Variants in TAPBPL observed in about 807,000 individuals in gnomAD.
TAPBPL encodes tapasin-related protein.
A neutral mutation model predicts 44.8 loss-of-function variants in TAPBPL; 32 were observed. The observed-to-expected ratio is 0.71, with a 90% CI of 0.54 to 0.96. The LOEUF is 0.96. Among genes scored for constraint, TAPBPL ranks in the 40% least tolerant of loss-of-function variants. The pLI is 0.00. For synonymous variants in TAPBPL, 230 were observed against 240.7 expected (o/e 0.96, Z 0.41); for missense variants, 520 against 586.6 (o/e 0.89, Z 1.17).
chr12:6,458,193 C>T (rs183794100), intron 4 of TAPBPL, among the ~76,000 whole-genome samples: 3 of 152,110 alleles, frequency 2.0e-5, no homozygotes, highest in African/African-American at 4.8e-5. Context: ...CTGGCCAATA[C>T]GGTGAAACTC....
chr12:6,457,354 T>G, intron 3 of TAPBPL, 52 bp from the exon 4 acceptor site: 5 of 1,545,932 alleles, frequency 3.2e-6, no homozygotes, highest in Non-Finnish European at 4.4e-6. Flanking sequence ...GGAGATCAGG[T>G]GACCTCAAGG....
chr12:6,467,872 C>G (rs1038009511), downstream of TAPBPL, among the ~76,000 whole-genome samples: 1 of 152,234 alleles, frequency 6.6e-6, no homozygotes, highest in Non-Finnish European at 1.5e-5. Context: ...AGGGTGGAAG[C>G]CCCAAGCCTT....
In TAPBPL at chr12:6,452,045, C is replaced by T. The variant is rs1435973724; in HGVS notation, c.-204C>T. 9.7e-6 allele frequency: 6 copies of T among 616,384 alleles called. No individual in the cohort carries two copies. The highest frequency in any genetic ancestry group is 1.5e-5 in the Non-Finnish European group (5 of 344,186). The allele number at this position is 616,384 out of a possible 1,614,324, so 38.2% of individuals were successfully genotyped here. ...GCAGGGCTCTGGCAGCTGCTGCAGA[C>T]GGCTTCACACAGGGACGCGGGCTGC... On this transcript the variant is annotated 5_prime_UTR_variant, in exon 1 of 7. The change creates a new upstream start codon in the 5' untranslated region. Coordinates refer to ENST00000266556, the MANE Select transcript of TAPBPL (RefSeq NM_018009.5).
Position 6,460,977 on chromosome 12 carries a change from C to G in TAPBPL, c.1291+39C>G, listed in dbSNP as rs200960516. ...TGCCCTTGGCTCTGGCCCTGGCCCACCTCACCCACTCTAACCACCCCCCCG... is the reference window on the plus strand; with the variant it reads ...TGCCCTTGGCTCTGGCCCTGGCCCAGCTCACCCACTCTAACCACCCCCCCG... On this transcript the variant is annotated intron_variant, in intron 6 of 6. Coordinates refer to ENST00000266556, the MANE Select transcript of TAPBPL (RefSeq NM_018009.5). The G allele has an allele frequency of 5.9e-5, 95 of 1,613,140 alleles. 1 individual carries two copies. The Admixed American group carries it at 1.6e-3, about 27-fold the overall frequency.
chr12:6,457,874 T>C (rs1949741742), intron 4 of TAPBPL, 130 bp downstream of exon 4: 4 of 1,014,588 alleles, frequency 3.9e-6, no homozygotes, highest in Non-Finnish European at 5.6e-6. Context: ...TTAAATGCCA[T>C]CTTCACCATG....
At position 6,453,181 on chromosome 12, in the gene TAPBPL, C is replaced by A. The variant is rs756082607; in HGVS notation, c.179C>A (p.Ala60Asp). ...ALASSEDRAR[A>D]SLVLKQVPVL... Reference sequence around the variant, plus strand: ...GCCAGCAGTGAGGACAGGGCAAGGGCCTCCCTTGTGCTGAAGCAGGTGCCA... The same window carrying A: ...GCCAGCAGTGAGGACAGGGCAAGGGACTCCCTTGTGCTGAAGCAGGTGCCA... Residue 60 changes from alanine (A) to aspartate (D), a missense_variant, in exon 2 of 7, where the codon GCC (alanine) becomes GAC (aspartate). Physicochemically the swap from Ala to Asp is moderately radical, Grantham distance 126. Transcript: ENST00000266556. The surrounding 1 kb of genome is among the most constrained non-coding windows in gnomAD (Gnocchi z 4.8). 1 of 1,611,900 alleles carries A rather than the reference C, an allele frequency of 6.2e-7. No homozygotes were observed. The highest frequency in any genetic ancestry group is 8.5e-7 in the Non-Finnish European group (1 of 1,179,248).
At chr12:6,463,984 G>C (rs1949941646), downstream of TAPBPL, 4 of 1,291,016 alleles carry the variant, frequency 3.1e-6, no homozygotes, top group African/African-American at 4.5e-5. The surrounding 1 kb of genome is among the most constrained non-coding windows in gnomAD (Gnocchi z 4.0). Flanking sequence ...CCCTCTTCAG[G>C]CCTGGTCCAG....
chr12:6,452,619 G>C (rs1949584369), intron 1 of TAPBPL: 1 of 1,310,428 alleles, frequency 7.6e-7, no homozygotes. Context: ...GGACTCCCCA[G>C]GTGAGGAAAT....
downstream of TAPBPL, chr12:6,464,957 C>T (rs754338974): frequency 1.2e-6 from 2 of 1,611,640 alleles, no homozygotes; most frequent in Non-Finnish European, 1.7e-6. Flanking sequence ...GAAACATGGA[C>T]AAAAAATGAG....
At position 6,453,170 on chromosome 12, in the gene TAPBPL, C is replaced by G. The variant is rs1949607201; in HGVS notation, c.168C>G (p.Asp56Glu). The change falls in exon 2 of 7, where the codon GAC becomes GAG. Residue 56 changes from aspartate to glutamate, a missense_variant. Coordinates refer to ENST00000266556, the MANE Select transcript of TAPBPL (RefSeq NM_018009.5). This position sits in a 1 kb window ranked among gnomAD's most constrained non-coding sequence, Gnocchi z 4.8. ...AHRGALASSE[D>E]RARASLVLKQ... ...GTGGAGCTCTCGCCAGCAGTGAGGA[C>G]AGGGCAAGGGCCTCCCTTGTGCTGA... is the stretch of plus-strand genomic sequence containing the variant. 17 of 1,610,344 alleles carry G rather than the reference C, an allele frequency of 1.1e-5. No homozygotes were observed. The highest frequency in any genetic ancestry group is 1.3e-5 in the African/African-American group (1 of 75,014).
Position 6,453,592 on chromosome 12 carries a change from G to A in TAPBPL, c.441G>A (p.Gln147=), listed in dbSNP as rs986262912. The A allele has an allele frequency of 3.1e-6, 5 of 1,614,214 alleles. No homozygotes were observed. Among genetic ancestry groups the A allele is most frequent in the Non-Finnish European group, 2.5e-6 (3 of 1,180,034 alleles). Residue 147 remains glutamine, a synonymous_variant, in exon 3 of 7, where the codon CAG becomes CAA. Transcript: ENST00000266556. This position sits in a 1 kb window ranked among gnomAD's most constrained non-coding sequence, Gnocchi z 4.8. ...KTAAWFMANM[Q]VSGGGPSISL... ...CAGCTTGGTTCATGGCCAACATGCA[G>A]GTCTCTGGAGGGGGACCTAGCATCT...
downstream of TAPBPL, chr12:6,463,580 C>T (rs1265548462): frequency 1.9e-6 from 2 of 1,062,474 alleles, no homozygotes; most frequent in Admixed American, 5.0e-5. The surrounding 1 kb of genome is among the most constrained non-coding windows in gnomAD (Gnocchi z 4.0). Context: ...AAATTAAGCA[C>T]TTGACTCACT....
At chr12:6,462,679 G>T (rs962302460), downstream of TAPBPL, 7 of 825,180 alleles carry the variant, frequency 8.5e-6, no homozygotes, top group African/African-American at 8.7e-5. Context: ...AGAGCCAAGA[G>T]GACGGATTCG....
chr12:6,471,837 A>G, the TAPBPL span, among the ~76,000 whole-genome samples: 138 of 148,094 alleles, frequency 9.3e-4, 1 homozygote, highest in Middle Eastern at 6.9e-3. This position sits in a 1 kb window ranked among gnomAD's most constrained non-coding sequence, Gnocchi z 4.0. Context: ...AAAAAAAAAA[A>G]GAAAAAAGGT....
chr12:6,463,827 C>G, downstream of TAPBPL: 1 of 1,224,900 alleles, frequency 8.2e-7, no homozygotes, highest in Non-Finnish European at 1.0e-6. The surrounding 1 kb of genome is among the most constrained non-coding windows in gnomAD (Gnocchi z 4.0). Flanking sequence ...TTCTCCAGGC[C>G]TCTGGAGAAC....
Position 6,453,904 on chromosome 12 carries a change from A to G in TAPBPL, c.565+188A>G, listed in dbSNP as rs1021774327. Among the ~76,000 whole-genome samples the G allele has an allele frequency of 1.6e-4, 24 of 151,670 alleles. No individual in the cohort carries two copies. The highest frequency in any genetic ancestry group is 5.8e-4 in the African/African-American group (24 of 41,266). On this transcript the variant is annotated intron_variant, in intron 3 of 6. Transcript: ENST00000266556. This position sits in a 1 kb window ranked among gnomAD's most constrained non-coding sequence, Gnocchi z 4.8. Reference sequence around the variant, plus strand: ...GTGGCGGGTGCCTGTAATCCCAGCTACGAGGGAGGCTGAGGCAGGAGAATC... The same window carrying G: ...GTGGCGGGTGCCTGTAATCCCAGCTGCGAGGGAGGCTGAGGCAGGAGAATC...
chr12:6,458,634 T>C lies in TAPBPL; in HGVS notation c.905-11T>C, dbSNP rs201681876. ...ATCCATGTGTAATCTTATTCCTCAT[T>C]CTTTCTCCAGCTTCCCCTAAAGTAC... On this transcript the variant is annotated splice_polypyrimidine_tract_variant and intron_variant, in intron 4 of 6. Transcript: ENST00000266556. 2 of 1,611,922 alleles carry C rather than the reference T, an allele frequency of 1.2e-6. No individual in the cohort carries two copies. The highest frequency in any genetic ancestry group is 1.7e-6 in the Non-Finnish European group (2 of 1,178,234).
chr12:6,462,590 C>G (rs1949904994), downstream of TAPBPL: 2 of 581,802 alleles, frequency 3.4e-6, no homozygotes, highest in Non-Finnish European at 6.1e-6. Flanking sequence ...GGCTAATACC[C>G]CCAAAGAACA....
At position 6,457,626 on chromosome 12, in the gene TAPBPL, G is replaced by C. The variant is rs1949733955; in HGVS notation, c.786G>C (p.Met262Ile). The C allele has an allele frequency of 6.2e-7, 1 of 1,614,176 alleles. No homozygotes were observed. Reference protein sequence around the residue: ...GATLEPAQLGMARDASLTLPG... With the variant: ...GATLEPAQLGIARDASLTLPG... ...CCCTGGAGCCTGCACAACTGGGCAT[G>C]GCCAGGGATGCCTCCCTCACCCTGC... Residue 262 changes from methionine to isoleucine, a missense_variant, in exon 4 of 7, where the codon ATG becomes ATC. Met to Ile is a conservative substitution (Grantham distance 10). Coordinates refer to ENST00000266556, the MANE Select transcript of TAPBPL (RefSeq NM_018009.5).
Sources: gnomAD v4.1 joint callset for allele counts (sites outside exome capture counted in the v4.1 genomes callset) on GRCh38, gnomAD v4.1.1 for gene constraint, Gnocchi (gnomAD v3.1) non-coding constraint, MANE v1.5 for transcripts, NCBI Gene and HGNC (gene_info 2026-07-23, HGNC 2026-07-21) for gene names.